Variants in PDE10A observed in about 807,000 individuals in gnomAD.
PDE10A encodes the protein cAMP and cAMP-inhibited cGMP 3',5'-cyclic phosphodiesterase 10A.
Under a neutral mutation model 97.7 loss-of-function variants are expected in PDE10A, and 39 were observed. That is an observed-to-expected ratio of 0.40 (90% CI 0.31 to 0.52). The LOEUF (loss-of-function observed/expected upper bound fraction) is 0.52, where lower values mean the gene tolerates loss of function less well. Among genes scored for constraint, PDE10A ranks in the 20% least tolerant of loss-of-function variants. The probability of loss-of-function intolerance (pLI) is 0.56; values close to 1 mark genes in which losing one functional copy is unlikely to be tolerated. For missense variants in PDE10A, 731 were observed against 1,047.8 expected, an observed-to-expected ratio of 0.70 and a Z score of 4.17; for synonymous variants, 371 against 376.8, an observed-to-expected ratio of 0.98 and a Z score of 0.18.
intron 1 of PDE10A, among the ~76,000 whole-genome samples, chr6:165,951,949 TAATA>T: frequency 6.6e-6 from 1 of 152,368 alleles, no homozygotes; most frequent in South Asian, 2.1e-4. Context: ...TAGTTATTTA[TAATA>T]AATAGTTGAC....
intron 1 of PDE10A, among the ~76,000 whole-genome samples, chr6:165,546,333 A>G (rs943016492): frequency 5.3e-5 from 8 of 152,066 alleles, no homozygotes; most frequent in Non-Finnish European, 1.2e-4. Flanking sequence ...GTAAGACACT[A>G]TAACGATGAA....
chr6:165,449,655 T>C (rs1250372884), intron 4 of PDE10A, among the ~76,000 whole-genome samples: 1 of 152,222 alleles, frequency 6.6e-6, no homozygotes, highest in African/African-American at 2.4e-5. Flanking sequence ...ATAATATGCA[T>C]AGACAGGTGC....
chr6:165,900,613 A>T (rs913926638), intron 1 of PDE10A, among the ~76,000 whole-genome samples: 1 of 151,964 alleles, frequency 6.6e-6, no homozygotes, highest in African/African-American at 2.4e-5. Context: ...ATATACACCT[A>T]GTTGTAAAGA....
At chr6:165,652,675 T>C (rs78155863) in intron 1 of PDE10A, among the ~76,000 whole-genome samples, 3 of 152,180 alleles carry the variant, frequency 2.0e-5, no homozygotes. Context: ...TGTTAGTCTC[T>C]TTTTTTCCAA....
intron 1 of PDE10A, among the ~76,000 whole-genome samples, chr6:165,759,595 G>A (rs1210874575): frequency 6.6e-6 from 1 of 152,214 alleles, no homozygotes; most frequent in Non-Finnish European, 1.5e-5. Context: ...TGTGAAGAAA[G>A]GAATATTAAG....
intron 1 of PDE10A, among the ~76,000 whole-genome samples, chr6:165,620,891 T>C (rs10946088): frequency 0.3 from 45,730 of 151,508 alleles, 7,928 homozygotes; most frequent in African/African-American, 0.49. Context: ...TATGATAGTG[T>C]GCACCTGTAG....
chr6:165,923,447 T>C (rs766890731), intron 1 of PDE10A, among the ~76,000 whole-genome samples: 7 of 152,188 alleles, frequency 4.6e-5, no homozygotes, highest in Non-Finnish European at 8.8e-5. Flanking sequence ...ACCGTCGATA[T>C]GTAGATACAT....
intron 1 of PDE10A, among the ~76,000 whole-genome samples, chr6:165,762,712 C>T (rs1217140189): frequency 1.3e-5 from 2 of 152,056 alleles, no homozygotes; most frequent in African/African-American, 2.4e-5. Context: ...TCTTATGTTA[C>T]CACAGACTGG....
intron 13 of PDE10A, among the ~76,000 whole-genome samples, chr6:165,401,935 T>C (rs1259230896): frequency 1.3e-5 from 2 of 152,188 alleles, no homozygotes. Flanking sequence ...TAGATTCTGC[T>C]AGGAAAGTGA....
At chr6:165,977,316 C>G (rs1283460365) in intron 1 of PDE10A, among the ~76,000 whole-genome samples, 2 of 152,204 alleles carry the variant, frequency 1.3e-5, no homozygotes, top group Non-Finnish European at 2.9e-5. Context: ...ATTTCTCAAT[C>G]TGGTAAGCTT....
At chr6:165,517,972 T>C (rs1396266658) in intron 2 of PDE10A, among the ~76,000 whole-genome samples, 1 of 152,228 alleles carries the variant, frequency 6.6e-6, no homozygotes, top group Non-Finnish European at 1.5e-5. Context: ...ATTCCCATTT[T>C]AGGTATGAGA....
At chr6:165,691,584 C>CGT (rs1491512748) in intron 1 of PDE10A, among the ~76,000 whole-genome samples, 12 of 125,468 alleles carry the variant, frequency 9.6e-5, no homozygotes, top group Admixed American at 7.8e-4. Flanking sequence ...CACGCATGCA[C>CGT]GCGCGCGCAC....
chr6:165,601,960 G>T (rs12216245), intron 1 of PDE10A, among the ~76,000 whole-genome samples: 1 of 152,016 alleles, frequency 6.6e-6, no homozygotes, highest in East Asian at 1.9e-4. Flanking sequence ...AATCCTTTTT[G>T]TAACCAATAT....
chr6:165,514,418 G>A (rs1409264096), intron 2 of PDE10A, among the ~76,000 whole-genome samples: 5 of 152,206 alleles, frequency 3.3e-5, no homozygotes, highest in African/African-American at 4.8e-5. Context: ...AGTGTTTGCT[G>A]TGGGAAGATG....
At chr6:165,731,151 T>G (rs1201518595) in intron 1 of PDE10A, among the ~76,000 whole-genome samples, 1 of 152,218 alleles carries the variant, frequency 6.6e-6, no homozygotes, top group Non-Finnish European at 1.5e-5. Flanking sequence ...TCCCTGTCCC[T>G]GCGGCCTCGT....
At chr6:165,832,296 G>T (rs899715019) in intron 1 of PDE10A, among the ~76,000 whole-genome samples, 1 of 152,068 alleles carries the variant, frequency 6.6e-6, no homozygotes, top group Non-Finnish European at 1.5e-5. Flanking sequence ...AGGAAGGAAC[G>T]AAACAGCCGC....
chr6:165,727,923 AG>A (rs1792338842), intron 1 of PDE10A, among the ~76,000 whole-genome samples: 2 of 152,252 alleles, frequency 1.3e-5, no homozygotes, highest in Non-Finnish European at 1.5e-5. Context: ...AAGGAAAAAA[AG>A]AAAGGAGTTT....
chr6:165,806,125 C>G (rs1393704964), intron 1 of PDE10A, among the ~76,000 whole-genome samples: 1 of 147,594 alleles, frequency 6.8e-6, no homozygotes, highest in Admixed American at 6.7e-5. Context: ...CTATACATTC[C>G]GGGCCAGAGG....
chr6:165,599,983 C>T (rs1786841318), intron 1 of PDE10A, among the ~76,000 whole-genome samples: 1 of 152,194 alleles, frequency 6.6e-6, no homozygotes, highest in South Asian at 2.1e-4. Context: ...AACTGCCCTC[C>T]CAACAGATTC....
Sources: gnomAD v4.1 joint callset for allele counts (sites outside exome capture counted in the v4.1 genomes callset) on GRCh38, gnomAD v4.1.1 for gene constraint, MANE v1.5 for transcripts, NCBI Gene and HGNC (gene_info 2026-07-23, HGNC 2026-07-21) for gene names.